The following GLO1 variants were observed in gnomAD, a reference collection of about 807,000 sequenced individuals.
The protein encoded by GLO1 is lactoylglutathione lyase.
A neutral mutation model predicts 26.0 loss-of-function variants in GLO1; 28 were observed. That is an observed-to-expected ratio of 1.08 (90% CI 0.80 to 1.48). The LOEUF (loss-of-function observed/expected upper bound fraction) is 1.48. GLO1 is among the 40% of genes most tolerant of loss of function. The pLI is 0.00. For missense variants in GLO1, 225 were observed against 224.8 expected, an observed-to-expected ratio of 1.00 and a Z score of -0.01; for synonymous variants, 78 against 77.6, an observed-to-expected ratio of 1.00 and a Z score of -0.03.
intron 3 of GLO1, chr6:38,683,091 A>G: frequency 2.0e-6 from 1 of 505,468 alleles, no homozygotes; most frequent in Non-Finnish European, 3.5e-6. Context: ...GGTACTGGAC[A>G]AGAACAATAA....
rs1297348701 is a variant in GLO1 at position 38,675,941 on chromosome 6, A to G, written c.*1354T>C. The G allele has an allele frequency of 6.6e-6, 1 of 151,564 alleles. No homozygotes were observed. The highest frequency in any genetic ancestry group is 1.5e-5 in the Non-Finnish European group (1 of 67,938). 9.4% of individuals were successfully genotyped at this position (151,564 alleles called of 1,614,324 possible). A position where few individuals can be genotyped will look rare whatever the true frequency, so the allele number is the denominator to read the frequency against. On this transcript the variant is annotated 3_prime_UTR_variant, in exon 6 of 6. Transcript: ENST00000373365. The stretch of plus-strand genomic sequence containing the variant: ...GGACAAAGGTTTACAAATTAAACAT[A>G]GTCTTATTTGAAGTTTCATTTTATT...
At chr6:38,679,163 T>C (rs1761324849) in intron 5 of GLO1, among the ~76,000 whole-genome samples, 1 of 152,158 alleles carries the variant, frequency 6.6e-6, no homozygotes, top group Non-Finnish European at 1.5e-5. Context: ...CTGTCGTTTA[T>C]ACTGAAATGA....
chr6:38,682,251 A>G, intron 4 of GLO1, 150 bp from the exon 5 acceptor site: 1 of 608,796 alleles, frequency 1.6e-6, no homozygotes, highest in Non-Finnish European at 2.9e-6. Context: ...TCTATAATAC[A>G]TTAAAGAACA....
chr6:38,699,964 T>G lies in GLO1; in HGVS notation c.84+3007A>C, dbSNP rs557915147. 5.3e-5 allele frequency among the ~76,000 whole-genome samples: 8 copies of G among 152,232 alleles called. No homozygotes were observed. In the South Asian group the frequency reaches 1.7e-3, roughly 32 times the overall value. ...GTTAGACCCTTATTAGTAGTTCTGC[T>G]TTTTGCCCTTTGAAGCATGTGATCT... On this transcript the variant is annotated intron_variant, in intron 1 of 5. Transcript: ENST00000373365.
chr6:38,683,692 C>T (rs1023546960), intron 3 of GLO1, among the ~76,000 whole-genome samples: 2 of 151,922 alleles, frequency 1.3e-5, no homozygotes, highest in African/African-American at 4.8e-5. Flanking sequence ...TCGAGACCAT[C>T]CTGGCTAACA....
intron 1 of GLO1, among the ~76,000 whole-genome samples, chr6:38,687,771 T>C (rs1478880681): frequency 1.3e-5 from 2 of 152,208 alleles, no homozygotes; most frequent in Non-Finnish European, 2.9e-5. Context: ...TACCCCATGT[T>C]GTAGATGAGA....
intron 1 of GLO1, among the ~76,000 whole-genome samples, chr6:38,696,851 G>C (rs73414402): frequency 6.6e-6 from 1 of 151,808 alleles, no homozygotes; most frequent in Non-Finnish European, 1.5e-5. Context: ...ATTCCCTTTA[G>C]AGACTATCTA....
chr6:38,692,088 T>TA (rs61526778), intron 1 of GLO1, among the ~76,000 whole-genome samples: 29,223 of 148,158 alleles, frequency 0.2, 3,642 homozygotes, highest in African/African-American at 0.37. Context: ...TGTCTCTGTC[T>TA]AAAAAAGTTT....
intron 1 of GLO1, among the ~76,000 whole-genome samples, chr6:38,693,487 T>C (rs1761559406): frequency 6.6e-6 from 1 of 152,084 alleles, no homozygotes; most frequent in African/African-American, 2.4e-5. Context: ...GCTTCTCTAA[T>C]TCCTTCCTTC....
intron 5 of GLO1, 68 bp downstream of exon 5, chr6:38,681,944 T>C (rs912423248): frequency 2.5e-6 from 2 of 811,312 alleles, no homozygotes; most frequent in South Asian, 1.4e-5. Flanking sequence ...ACTACAACAG[T>C]GGCCTCTGTA....
chr6:38,695,322 T>G (rs553789675), intron 1 of GLO1, among the ~76,000 whole-genome samples: 20 of 152,258 alleles, frequency 1.3e-4, no homozygotes, highest in African/African-American at 4.6e-4. Flanking sequence ...TATATATACA[T>G]ATACGCATAC....
chr6:38,692,894 G>A (rs1176066838), intron 1 of GLO1, among the ~76,000 whole-genome samples: 1 of 150,330 alleles, frequency 6.7e-6, no homozygotes, highest in Non-Finnish European at 1.5e-5. Flanking sequence ...TGGTTAAGGT[G>A]TATAATTCTT....
rs144700170 is a variant in GLO1, at chr6:38,688,985, C to G, written c.85-2011G>C. Among the ~76,000 whole-genome samples the G allele has an allele frequency of 6.0e-3, 917 of 152,282 alleles. 8 individuals are homozygous for G. Among genetic ancestry groups the G allele is most frequent in the African/African-American group, 0.021 (860 of 41,562 alleles). ...GAGTGTGGCATAAAGGGAAGTGGGA[C>G]AGATTCCAAGTGTGAGAAGGGGCCA... On this transcript the variant is annotated intron_variant, in intron 1 of 5. Transcript: ENST00000373365.
intron 5 of GLO1, among the ~76,000 whole-genome samples, chr6:38,679,329 C>T (rs1192275486): frequency 6.6e-6 from 1 of 152,050 alleles, no homozygotes; most frequent in African/African-American, 2.4e-5. Context: ...ACAAGGTCTT[C>T]CTATGTCACC....
At chr6:38,687,106 A>C in intron 1 of GLO1, 132 bp from the exon 2 acceptor site, 2 of 1,436,132 alleles carry the variant, frequency 1.4e-6, no homozygotes, top group Non-Finnish European at 1.8e-6. Flanking sequence ...CTCTCTGCTC[A>C]GTGGTATCTT....
At chr6:38,679,986 A>C (rs1269857722) in intron 5 of GLO1, among the ~76,000 whole-genome samples, 3 of 152,200 alleles carry the variant, frequency 2.0e-5, no homozygotes, top group African/African-American at 7.2e-5. Context: ...AGTTTGAGGA[A>C]ATCTCCCAGA....
chr6:38,700,187 G>A (rs754114727), intron 1 of GLO1, among the ~76,000 whole-genome samples: 13 of 152,144 alleles, frequency 8.5e-5, no homozygotes, highest in African/African-American at 1.9e-4. Flanking sequence ...AAGAACCTAC[G>A]TTGAAATATT....
chr6:38,689,630 T>C (rs1761504883), intron 1 of GLO1, among the ~76,000 whole-genome samples: 1 of 152,092 alleles, frequency 6.6e-6, no homozygotes, highest in African/African-American at 2.4e-5. Context: ...GGAAAACAAC[T>C]GGAATATCAA....
rs1056104902 is a variant in GLO1, at chr6:38,688,540, A to G, written c.85-1566T>C. On this transcript the variant is annotated intron_variant, in intron 1 of 5. Transcript: ENST00000373365. ...CAAACATCCTTCTTTCCCAGCTAAT[A>G]TGAGTGGTAGCTGCTTCTCTATTGA... Among the ~76,000 whole-genome samples, 5 of 152,228 alleles carry G rather than the reference A, an allele frequency of 3.3e-5. No homozygotes were observed. In the South Asian group the frequency reaches 8.3e-4, roughly 25 times the overall value.
Sources: gnomAD v4.1 joint callset for allele counts (sites outside exome capture counted in the v4.1 genomes callset) on GRCh38, gnomAD v4.1.1 for gene constraint, MANE v1.5 for transcripts, NCBI Gene and HGNC (gene_info 2026-07-23, HGNC 2026-07-21) for gene names.